Variants in DDX49 observed in about 807,000 individuals in gnomAD.
The protein encoded by DDX49 is probable ATP-dependent RNA helicase DDX49.
Under a neutral mutation model 56.3 loss-of-function variants are expected in DDX49, and 50 were observed. That is an observed-to-expected ratio of 0.89 (90% CI 0.71 to 1.12). The LOEUF is 1.12. Ranked by LOEUF, DDX49 falls within the 50% of genes most tolerant of loss-of-function variation. The pLI, the probability that DDX49 is intolerant of heterozygous loss-of-function variation, is 0.00. For missense variants in DDX49, 614 were observed against 650.5 expected (o/e 0.94, Z 0.61); for synonymous variants, 269 against 270.6 (o/e 0.99, Z 0.06).
chr19:18,927,617 T>A, intron 10 of DDX49, 149 bp from the exon 11 acceptor site: 1 of 649,330 alleles, frequency 1.5e-6, no homozygotes, highest in Non-Finnish European at 2.7e-6. Context: ...ACCTCAGAAA[T>A]CCCTGATCTT....
Position 18,921,650 on chromosome 19 carries a change from T to C in DDX49, c.240-13T>C, listed in dbSNP as rs199701429. The C allele has an allele frequency of 2.4e-5, 39 of 1,613,802 alleles. 1 individual carries two copies. In the African/African-American group the frequency reaches 4.8e-4, roughly 20 times the overall value. Reference sequence around the variant, plus strand: ...CCACTACCTGACCCAGCCTGGCCCCTTCACACCCACAGGGAGCTGGCCTAC... The same window carrying C: ...CCACTACCTGACCCAGCCTGGCCCCCTCACACCCACAGGGAGCTGGCCTAC... On this transcript the variant is annotated splice_polypyrimidine_tract_variant and intron_variant, in intron 2 of 12. Coordinates refer to ENST00000247003, the MANE Select transcript of DDX49 (RefSeq NM_019070.5).
chr19:18,922,121 C>A, intron 4 of DDX49, 157 bp downstream of exon 4: 1 of 1,227,254 alleles, frequency 8.1e-7, no homozygotes, highest in Non-Finnish European at 1.1e-6. Context: ...CGTTCAAGGA[C>A]CAACAAGAGG....
chr19:18,927,709 C>T, intron 10 of DDX49, 57 bp from the exon 11 acceptor site: 1 of 1,504,914 alleles, frequency 6.6e-7, no homozygotes, highest in East Asian at 2.3e-5. Context: ...TGGCTGAACT[C>T]CCTCTCCATG....
At chr19:18,927,070 CAAAAAAAAAAAA>C (rs35034273) in intron 10 of DDX49, among the ~76,000 whole-genome samples, 4 of 74,782 alleles carry the variant, frequency 5.3e-5, no homozygotes, top group Non-Finnish European at 1.0e-4. Context: ...GACTCTGTCT[CAAAAAAAAAAAA>C]AAAAAAAAAA....
Position 18,922,651 on chromosome 19 carries a change from A to G in DDX49, c.683A>G (p.Glu228Gly). 6.2e-7 allele frequency: 1 copy of G among 1,614,016 alleles called. No individual in the cohort carries two copies. The highest frequency in any genetic ancestry group is 8.5e-7 in the Non-Finnish European group (1 of 1,180,012). Residue 228 changes from glutamate to glycine, a missense_variant, in exon 6 of 13, where the codon GAG becomes GGG. Transcript: ENST00000247003. Reference protein sequence around the residue: ...QLDQRYLLVPEKVKDAYLVHL... With the variant: ...QLDQRYLLVPGKVKDAYLVHL... ...GACCAGCGCTACCTGCTGGTGCCTG[A>G]GAAGGTCAAGGACGCCTACCTGGTC...
rs1568332204 is a variant in DDX49 at position 18,928,136 on chromosome 19, C to A, written c.1272C>A (p.Asp424Glu). The change falls in exon 13 of 13, where the codon GAC (aspartate) becomes GAA (glutamate). Residue 424 changes from aspartate to glutamate, a missense_variant. Asp to Glu is a conservative substitution (Grantham distance 45). Transcript: ENST00000247003. ...GGTCCTCCCTGTGCCAGGACCCTGA[C>A]CTGGAGGCCAAGCGCAAGGCTGAGC... ...KQLILEGKDPDLEAKRKAELA... is the reference protein window; with the variant it reads ...KQLILEGKDPELEAKRKAELA... 6.2e-7 allele frequency: 1 copy of A among 1,607,656 alleles called. No homozygotes were observed. Among genetic ancestry groups the A allele is most frequent in the Admixed American group, 1.7e-5 (1 of 58,492 alleles).
Position 18,922,598 on chromosome 19 carries a change from C to A in DDX49, c.636-6C>A, listed in dbSNP as rs1198811704. On this transcript the variant is annotated splice_polypyrimidine_tract_variant and splice_region_variant and intron_variant, in intron 5 of 12. Transcript: ENST00000247003. ...GAGGCGTGGCGGTCTATCTGTCCAT[C>A]CCCAGGGTGAGCACCGTGGAGCAGC... 6.2e-7 allele frequency: 1 copy of A among 1,610,352 alleles called. No individual in the cohort carries two copies. The highest frequency in any genetic ancestry group is 8.5e-7 in the Non-Finnish European group (1 of 1,177,972).
Position 18,921,978 on chromosome 19 carries a change from G to C in DDX49, c.447+14G>C. On this transcript the variant is annotated intron_variant, in intron 4 of 12. Coordinates refer to ENST00000247003, the MANE Select transcript of DDX49 (RefSeq NM_019070.5). ...ATCCGCTTCCTGGTGAGTTCGCCCC[G>C]CCCCTGCAGACCTCAGGAGCTGGGC... 6.3e-7 allele frequency: 1 copy of C among 1,598,760 alleles called. No homozygotes were observed. Among genetic ancestry groups the C allele is most frequent in the African/African-American group, 1.3e-5 (1 of 74,784 alleles).
rs758581521 is a variant in DDX49 at position 18,928,270 on chromosome 19, C to T, written c.1406C>T (p.Pro469Leu). The change falls in exon 13 of 13, where the codon CCG becomes CTG. Residue 469 changes from proline (P) to leucine (L), a missense_variant. Physicochemically the swap from Pro to Leu is moderately conservative, Grantham distance 98 (BLOSUM62 -3). Transcript: ENST00000247003. ...AGHKGRPPRTPSGSHSGPVPS... is the reference protein window; with the variant it reads ...AGHKGRPPRTLSGSHSGPVPS... ...CACAAGGGGCGTCCACCCAGGACAC[C>T]GTCTGGGTCCCACTCAGGCCCAGTC... 2.3e-5 allele frequency: 37 copies of T among 1,583,478 alleles called. No homozygotes were observed. Among genetic ancestry groups the T allele is most frequent in the Non-Finnish European group, 3.2e-5 (37 of 1,165,224 alleles).
chr19:18,927,728 C>G, intron 10 of DDX49, 38 bp from the exon 11 acceptor site: 3 of 1,574,130 alleles, frequency 1.9e-6, no homozygotes, highest in Non-Finnish European at 1.7e-6. Flanking sequence ...TGTCACGTCT[C>G]CTCCCCACCC....
chr19:18,928,413 C>A lies in DDX49; in HGVS notation c.*97C>A. On this transcript the variant is annotated 3_prime_UTR_variant, in exon 13 of 13. Coordinates refer to ENST00000247003, the MANE Select transcript of DDX49 (RefSeq NM_019070.5). ...GCAGCAGCCCTTCCCGGGGGCCTAC[C>A]CAGTGCCCCACAGCAGAACCCGTGG... 2 of 1,243,888 alleles carry A rather than the reference C, an allele frequency of 1.6e-6. No homozygotes were observed. The highest frequency in any genetic ancestry group is 1.6e-5 in the South Asian group (1 of 63,652). The allele number at this position is 1,243,888 out of a possible 1,614,324, so 77.1% of individuals were successfully genotyped here. A position where few individuals can be genotyped will look rare whatever the true frequency, so the allele number is the denominator to read the frequency against.
chr19:18,921,314 T>C (rs906887013), intron 2 of DDX49, among the ~76,000 whole-genome samples: 1 of 151,876 alleles, frequency 6.6e-6, no homozygotes, highest in Non-Finnish European at 1.5e-5. Flanking sequence ...AGGACAGAGT[T>C]GGTTGGGGGC....
chr19:18,921,865 G>A lies in DDX49; in HGVS notation c.348G>A (p.Glu116=). 6.2e-7 allele frequency: 1 copy of A among 1,614,022 alleles called. No individual in the cohort carries two copies. Residue 116 remains glutamate, a synonymous_variant, in exon 4 of 13, where the codon GAG becomes GAA. Coordinates refer to ENST00000247003, the MANE Select transcript of DDX49 (RefSeq NM_019070.5). ...CAGACATGGTGGCCCAGGCGCTGGA[G>A]CTCTCTCGGAAACCACACGTGGTCA... ...GGMDMVAQAL[E]LSRKPHVVIA... is the part of the protein sequence containing the mutation.
At position 18,922,717 on chromosome 19, in the gene DDX49, C is replaced by A; in HGVS notation, c.749C>A (p.Ser250Tyr). 6.2e-7 allele frequency: 1 copy of A among 1,613,770 alleles called. No homozygotes were observed. The highest frequency in any genetic ancestry group is 8.5e-7 in the Non-Finnish European group (1 of 1,179,924). Residue 250 changes from serine (S) to tyrosine (Y), a missense_variant, in exon 6 of 13, where the codon TCC (serine) becomes TAC (tyrosine). Transcript: ENST00000247003. The part of the protein sequence containing the change: ...QRFQDEHEDW[S>Y]IIIFTNTCKT... ...TTCCAGGATGAGCACGAGGACTGGT[C>A]CATTATCATCTTCACCAACACGTGC...
rs542602175 is a variant in DDX49, at chr19:18,927,763, C to T, written c.1103-3C>T. ...CCCACCCCCGGCTTTGCTGTCCCCA[C>T]AGAGAAGAAGCTGGAGGAGTTCTCC... On this transcript the variant is annotated splice_polypyrimidine_tract_variant and splice_region_variant and intron_variant, in intron 10 of 12. Coordinates refer to ENST00000247003, the MANE Select transcript of DDX49 (RefSeq NM_019070.5). 2.3e-4 allele frequency: 365 copies of T among 1,613,590 alleles called. 3 individuals carry two copies. In the South Asian group the frequency reaches 3.8e-3, roughly 17 times the overall value.
Position 18,920,709 on chromosome 19 carries a change from C to T in DDX49, c.239+6C>T. On this transcript the variant is annotated splice_donor_region_variant and intron_variant, in intron 2 of 12. Transcript: ENST00000247003. ...CTCGTCCTGACACCCACCAGGTAAG[C>T]CCCCAGCAGGCCTCCTGGGTATGGG... The T allele has an allele frequency of 6.3e-7, 1 of 1,591,684 alleles. No homozygotes were observed. Among genetic ancestry groups the T allele is most frequent in the Non-Finnish European group, 8.6e-7 (1 of 1,161,686 alleles).
At chr19:18,922,083 GT>G in intron 4 of DDX49, 119 bp downstream of exon 4, 1 of 1,383,480 alleles carries the variant, frequency 7.2e-7, no homozygotes, top group Non-Finnish European at 9.7e-7. Context: ...AGACTGTCCA[GT>G]AAAACGCTAG....
intron 6 of DDX49, 61 bp from the exon 7 acceptor site, chr19:18,924,172 C>A: frequency 1.3e-6 from 2 of 1,549,846 alleles, no homozygotes; most frequent in Non-Finnish European, 1.8e-6. Context: ...CGGGTGGGGG[C>A]AGGAACACCT....
Position 18,927,989 on chromosome 19 carries a change from G to A in DDX49, c.1216G>A (p.Glu406Lys), listed in dbSNP as rs748598406. The A allele has an allele frequency of 3.1e-6, 5 of 1,613,784 alleles. No homozygotes were observed. In the South Asian group the frequency reaches 3.3e-5, roughly 11 times the overall value. The change falls in exon 12 of 13, where the codon GAA becomes AAA. Residue 406 changes from glutamate to lysine, a missense_variant. Glu to Lys is a moderately conservative substitution (Grantham distance 56, BLOSUM62 1). Transcript: ENST00000247003. ...EIKLEAAHFD[E>K]KKEINKRKQL... is the part of the protein sequence containing the mutation. Reference sequence around the variant, plus strand: ...GAAACTGGAGGCGGCCCACTTTGACGAAAAGAAGGAGATCAACAAACGGAA... The same window carrying A: ...GAAACTGGAGGCGGCCCACTTTGACAAAAAGAAGGAGATCAACAAACGGAA...
Sources: allele counts gnomAD v4.1 joint callset (sites outside exome capture counted in the v4.1 genomes callset), GRCh38; gene constraint gnomAD v4.1.1; transcripts MANE v1.5; gene names NCBI Gene and HGNC (gene_info 2026-07-23, HGNC 2026-07-21).